The following GRID1 variants were observed in gnomAD, a reference collection of about 807,000 sequenced individuals.
GRID1 encodes glutamate receptor ionotropic, delta-1.
A neutral mutation model predicts 98.0 loss-of-function variants in GRID1; 28 were observed. The ratio of observed to expected loss-of-function variants is 0.29; its 90% CI spans 0.21 to 0.39. The LOEUF (loss-of-function observed/expected upper bound fraction) is 0.39. Among genes scored for constraint, GRID1 ranks in the 10% least tolerant of loss-of-function variants. The pLI is 1.00. For missense variants in GRID1, 1,111 were observed against 1,340.5 expected (o/e 0.83, Z 2.67); for synonymous variants, 553 against 538.5 (o/e 1.03, Z -0.37).
chr10:86,042,392 G>A (rs942553932), intron 4 of GRID1, among the ~76,000 whole-genome samples: 1 of 152,190 alleles, frequency 6.6e-6, no homozygotes. Flanking sequence ...TGGGTGCACA[G>A]TGTGGGCCAC....
intron 2 of GRID1, among the ~76,000 whole-genome samples, chr10:86,303,457 G>A (rs950455928): frequency 6.6e-6 from 1 of 152,102 alleles, no homozygotes; most frequent in Non-Finnish European, 1.5e-5. Flanking sequence ...GACAGAGACT[G>A]TGCTCAGCAG....
intron 4 of GRID1, among the ~76,000 whole-genome samples, chr10:86,049,791 G>T (rs760637854): frequency 1.3e-5 from 2 of 152,164 alleles, no homozygotes; most frequent in Non-Finnish European, 2.9e-5. Context: ...GACATATTTG[G>T]GCTCTGCCTG....
At chr10:86,077,877 G>A (rs1008380176) in intron 4 of GRID1, among the ~76,000 whole-genome samples, 2 of 152,224 alleles carry the variant, frequency 1.3e-5, no homozygotes, top group African/African-American at 4.8e-5. Context: ...GTGACTGAAG[G>A]GACAGTGACA....
intron 4 of GRID1, among the ~76,000 whole-genome samples, chr10:85,940,643 T>C (rs1405793865): frequency 1.3e-5 from 2 of 152,200 alleles, no homozygotes; most frequent in Non-Finnish European, 2.9e-5. Context: ...ACTGCTTCCA[T>C]AATAACTCAT....
chr10:85,870,474 A>AT (rs1252210476), intron 5 of GRID1, among the ~76,000 whole-genome samples: 1 of 152,228 alleles, frequency 6.6e-6, no homozygotes, highest in Non-Finnish European at 1.5e-5. Context: ...ATACTCCTTA[A>AT]TAAACTCCCT....
At chr10:86,131,312 G>A (rs111786241) in intron 4 of GRID1, among the ~76,000 whole-genome samples, 5 of 152,228 alleles carry the variant, frequency 3.3e-5, no homozygotes, top group Non-Finnish European at 5.9e-5. Flanking sequence ...TTGGGGATCC[G>A]GGAGCAGAAA....
intron 4 of GRID1, among the ~76,000 whole-genome samples, chr10:86,026,165 G>A (rs921832291): frequency 7.2e-5 from 11 of 152,078 alleles, no homozygotes; most frequent in East Asian, 1.9e-4. Context: ...ATTTATATAC[G>A]TTTCACACTA....
chr10:86,057,384 T>C (rs567445520), intron 4 of GRID1, among the ~76,000 whole-genome samples: 3 of 152,348 alleles, frequency 2.0e-5, no homozygotes, highest in Admixed American at 6.5e-5. Context: ...GTGTCTGGGA[T>C]GACCTTCTTC....
At chr10:85,694,094 C>A (rs540308204) in intron 12 of GRID1, among the ~76,000 whole-genome samples, 4 of 152,114 alleles carry the variant, frequency 2.6e-5, no homozygotes, top group South Asian at 4.1e-4. Context: ...AAGCAAAGAA[C>A]CTCATTAAAA....
chr10:85,837,533 G>A (rs59314426), intron 8 of GRID1, among the ~76,000 whole-genome samples: 22,390 of 152,024 alleles, frequency 0.15, 1,908 homozygotes, highest in African/African-American at 0.21. Flanking sequence ...CCAGGAGTTG[G>A]GAGCTGAGCA....
chr10:86,334,191 C>A (rs181558707), intron 2 of GRID1, among the ~76,000 whole-genome samples: 1 of 152,152 alleles, frequency 6.6e-6, no homozygotes, highest in African/African-American at 2.4e-5. Context: ...CTGCCTTAAA[C>A]TGCTTTGAAG....
At chr10:85,967,154 C>A (rs1363305081) in intron 4 of GRID1, among the ~76,000 whole-genome samples, 1 of 152,178 alleles carries the variant, frequency 6.6e-6, no homozygotes, top group Admixed American at 6.5e-5. Context: ...TGAGGCCTCC[C>A]CAGCCATGTG....
intron 4 of GRID1, 104 bp downstream of exon 4, chr10:86,138,715 G>A (rs767823581): frequency 2.6e-5 from 23 of 876,324 alleles, no homozygotes; most frequent in East Asian, 9.8e-5. Context: ...CTCCATGTCC[G>A]TTTAGGCCAT....
chr10:86,133,725 C>T (rs1239032001), intron 4 of GRID1, among the ~76,000 whole-genome samples: 2 of 152,222 alleles, frequency 1.3e-5, no homozygotes, highest in Non-Finnish European at 1.5e-5. Context: ...AGGTCCCATG[C>T]TGCTCTCAGG....
chr10:86,126,728 A>C (rs959332779), intron 4 of GRID1, among the ~76,000 whole-genome samples: 7 of 152,246 alleles, frequency 4.6e-5, no homozygotes, highest in African/African-American at 1.2e-4. Context: ...TTTAAAAACT[A>C]AGAGATTTCA....
At chr10:86,246,640 C>T (rs539452798) in intron 2 of GRID1, among the ~76,000 whole-genome samples, 151 of 152,302 alleles carry the variant, frequency 9.9e-4, no homozygotes, top group Non-Finnish European at 1.7e-3. Context: ...CTCCATCCAC[C>T]CTCCACCGCC....
chr10:85,659,649 C>T (rs1840942925), intron 12 of GRID1, among the ~76,000 whole-genome samples: 1 of 152,184 alleles, frequency 6.6e-6, no homozygotes, highest in African/African-American at 2.4e-5. Context: ...CGTTCTGAAT[C>T]AGTTTGCAGA....
chr10:85,951,627 C>A (rs949157859), intron 4 of GRID1, among the ~76,000 whole-genome samples: 4 of 152,210 alleles, frequency 2.6e-5, no homozygotes, highest in African/African-American at 9.6e-5. Context: ...TTATCTCAAA[C>A]TTCTAGTAAC....
chr10:86,111,571 T>C (rs763482987), intron 4 of GRID1, among the ~76,000 whole-genome samples: 36 of 152,226 alleles, frequency 2.4e-4, no homozygotes, highest in Non-Finnish European at 4.7e-4. Flanking sequence ...TAAATTAAAC[T>C]GGGCAAGAGC....
Sources: gnomAD v4.1 joint callset for allele counts (sites outside exome capture counted in the v4.1 genomes callset) on GRCh38, gnomAD v4.1.1 for gene constraint, MANE v1.5 for transcripts, NCBI Gene and HGNC (gene_info 2026-07-23, HGNC 2026-07-21) for gene names.